FAT2: variants seen among roughly 807,000 people sequenced by gnomAD.
FAT2 encodes protocadherin Fat 2.
In FAT2, 150 loss-of-function variants were observed where a neutral mutation model predicts 295.3. The observed-to-expected ratio is 0.51, with a 90% CI of 0.44 to 0.58. The LOEUF is 0.58. Among genes scored for constraint, FAT2 ranks in the 20% least tolerant of loss-of-function variants. FAT2 has a pLI of 0.00. For synonymous variants in FAT2, 2,026 were observed against 2,150.3 expected (o/e 0.94, Z 1.60); for missense variants, 4,868 against 5,442.7 (o/e 0.89, Z 3.32).
In FAT2 at chr5:151,554,526, C is replaced by G. The variant is rs1292757847; in HGVS notation, c.3781G>C (p.Gly1261Arg). 5.0e-6 allele frequency: 8 copies of G among 1,614,068 alleles called. No homozygotes were observed. Among genetic ancestry groups the G allele is most frequent in the African/African-American group, 1.3e-5 (1 of 74,912 alleles). Residue 1261 changes from glycine to arginine, a missense_variant, in exon 5 of 24, where the codon GGG becomes CGG. Around this residue, in one of 5 missense-constraint regions of FAT2, gnomAD observed 3,297 missense variants for 3,669.4 expected, o/e 0.90. Transcript: ENST00000261800. ...LPERLSPVSP[G>R]PVYRLVASDL... The stretch of plus-strand genomic sequence containing the variant: ...GAAGCCACCAGCCTGTACACAGGCC[C>G]AGGGGACACAGGGCTCAGCCTCTCT...
rs757635979 is a variant in FAT2, at chr5:151,545,772, A to G, written c.5355T>C (p.Phe1785=). 6.2e-7 allele frequency: 1 copy of G among 1,614,128 alleles called. No individual in the cohort carries two copies. The highest frequency in any genetic ancestry group is 2.2e-5 in the East Asian group (1 of 44,876). The part of the protein sequence containing the change: ...SMIMDKNNNP[F]VIHASDSDKE... ...TGTCACTGTCAGAGGCATGAATCAC[A>G]AAGGGGTTGTTGTTTTTATCCATGA... The change falls in exon 10 of 24, where the codon TTT becomes TTC. Residue 1785 remains phenylalanine, a synonymous_variant. Transcript: ENST00000261800.
At chr5:151,584,439 A>G (rs550599027) in intron 1 of FAT2, among the ~76,000 whole-genome samples, 2 of 152,222 alleles carry the variant, frequency 1.3e-5, no homozygotes, top group East Asian at 3.9e-4. Context: ...CAAAGACCCT[A>G]TGAAGGAAGC....
Position 151,528,049 on chromosome 5 carries a change from T to C in FAT2, c.10111A>G (p.Ile3371Val). The C allele has an allele frequency of 6.2e-7, 1 of 1,614,172 alleles. No individual in the cohort carries two copies. The highest frequency in any genetic ancestry group is 8.5e-7 in the Non-Finnish European group (1 of 1,180,038). Residue 3371 changes from isoleucine to valine, a missense_variant, in exon 16 of 24, where the codon ATT becomes GTT. Physicochemically the swap from Ile to Val is conservative, Grantham distance 29 (BLOSUM62 3). Around this residue, in one of 5 missense-constraint regions of FAT2, gnomAD observed 1,046 missense variants for 1,210.1 expected, o/e 0.86. Transcript: ENST00000261800. ...TGTAGCTCCCCCTTTTTGGGGTGAA[T>C]GGTGAAGTGCCCAAGCTGGTTCCCT... is the stretch of plus-strand genomic sequence containing the variant. ...IGGNQLGHFT[I>V]HPKKGELQVA...
chr5:151,562,683 G>A (rs1032188072), intron 3 of FAT2, among the ~76,000 whole-genome samples: 22 of 152,198 alleles, frequency 1.4e-4, no homozygotes, highest in African/African-American at 5.1e-4. Flanking sequence ...CTAATTTTAT[G>A]TGTTGGCTGC....
intron 5 of FAT2, 57 bp downstream of exon 5, chr5:151,554,302 AAAG>A: frequency 1.3e-6 from 2 of 1,501,334 alleles, no homozygotes; most frequent in Non-Finnish European, 1.8e-6. Context: ...CTGAATTCTC[AAAG>A]AAGGCCACTA....
intron 1 of FAT2, among the ~76,000 whole-genome samples, chr5:151,583,767 T>C (rs1759056368): frequency 2.0e-5 from 3 of 151,754 alleles, no homozygotes; most frequent in East Asian, 3.9e-4. Context: ...GGAAGCCGAG[T>C]TGGGTGGATC....
At chr5:151,581,258 G>A (rs1326150233) in intron 1 of FAT2, among the ~76,000 whole-genome samples, 2 of 152,198 alleles carry the variant, frequency 1.3e-5, no homozygotes, top group Non-Finnish European at 2.9e-5. Context: ...CTGAGATGAA[G>A]GGCATAAAGC....
chr5:151,544,859 A>G lies in FAT2; in HGVS notation c.6268T>C (p.Phe2090Leu), dbSNP rs774234912. ...TCCTCATCAGTGGCAGATACCTGAA[A>G]GAGGACATCCCCTGGCTCTGTGCCA... ...QDGTEPGDVL[F>L]QVSATDEDLG... is the part of the protein sequence containing the mutation. The change falls in exon 10 of 24, where the codon TTT (phenylalanine) becomes CTT (leucine). Residue 2090 changes from phenylalanine to leucine, a missense_variant. Physicochemically the swap from Phe to Leu is conservative, Grantham distance 22 (BLOSUM62 0). Transcript: ENST00000261800. The G allele has an allele frequency of 4.3e-6, 7 of 1,614,214 alleles. No individual in the cohort carries two copies. In the Admixed American group the frequency reaches 1.2e-4, roughly 27 times the overall value.
intron 12 of FAT2, among the ~76,000 whole-genome samples, chr5:151,537,041 C>T (rs1173362983): frequency 1.3e-5 from 2 of 152,200 alleles, no homozygotes; most frequent in Admixed American, 1.3e-4. Flanking sequence ...GTCCACAAGT[C>T]TCACATAAAG....
intron 1 of FAT2, among the ~76,000 whole-genome samples, chr5:151,590,132 A>G (rs1432879164): frequency 6.6e-6 from 1 of 152,212 alleles, no homozygotes. Flanking sequence ...GGGCACAGGA[A>G]GCATTCAACG....
chr5:151,521,239 C>T (rs774949517), intron 19 of FAT2, 37 bp downstream of exon 19: 2 of 1,556,100 alleles, frequency 1.3e-6, no homozygotes, highest in East Asian at 4.5e-5. Flanking sequence ...CTGAGCCCAG[C>T]AGTGCTGCTC....
chr5:151,542,880 T>C lies in FAT2; in HGVS notation c.8247A>G (p.Ile2749Met). 1 of 1,614,210 alleles carries C rather than the reference T, an allele frequency of 6.2e-7. No homozygotes were observed. The highest frequency in any genetic ancestry group is 8.5e-7 in the Non-Finnish European group (1 of 1,180,044). ...CGTGGTCCATGGGCTTCCTCACCTT[T>C]ATGACCCCTGTGTCTGGGTCTAGGG... Reference protein sequence around the residue: ...VFSLDPDTGVIKVRKPMDHES... With the variant: ...VFSLDPDTGVMKVRKPMDHES... The change falls in exon 10 of 24, where the codon ATA becomes ATG. Residue 2749 changes from isoleucine to methionine, a missense_variant. Around this residue, in one of 5 missense-constraint regions of FAT2, gnomAD observed 3,297 missense variants for 3,669.4 expected, o/e 0.90. Transcript: ENST00000261800.
chr5:151,534,572 C>T lies in FAT2; in HGVS notation c.9264G>A (p.Thr3088=), dbSNP rs772946190. The T allele has an allele frequency of 1.1e-5, 18 of 1,613,974 alleles. No homozygotes were observed. Among genetic ancestry groups the T allele is most frequent in the Middle Eastern group, 3.3e-4 (2 of 6,084 alleles). Residue 3088 remains threonine (T), a synonymous_variant, in exon 13 of 24, where the codon ACG becomes ACA. Transcript: ENST00000261800. ...KDVFNLVAKA[T]DGGGRSCQAD... ...CCTGGCACGATCGGCCACCTCCATC[C>T]GTCGCCTTGGCAACAAGGTTGAACA...
intron 18 of FAT2, among the ~76,000 whole-genome samples, chr5:151,522,418 C>G (rs1406175882): frequency 6.6e-6 from 1 of 152,208 alleles, no homozygotes; most frequent in African/African-American, 2.4e-5. Context: ...CATGAAGTTT[C>G]TCATTCTGTC....
In FAT2 at chr5:151,553,455, C is replaced by T. The variant is rs759441561; in HGVS notation, c.3946-68G>A. 5 of 1,413,704 alleles carry T rather than the reference C, an allele frequency of 3.5e-6. No homozygotes were observed. The Admixed American group carries it at 7.5e-5, about 21-fold the overall frequency. The allele number at this position is 1,413,704 out of a possible 1,614,324, so 87.6% of individuals were successfully genotyped here. On this transcript the variant is annotated intron_variant, in intron 5 of 23. Coordinates refer to ENST00000261800, the MANE Select transcript of FAT2 (RefSeq NM_001447.3). ...GACAGGAAGACCCAAGCAGCCAGGA[C>T]AGGAACCAGAGCGTCCTGTGATTCT...
intron 9 of FAT2, among the ~76,000 whole-genome samples, chr5:151,548,908 C>T (rs533854286): frequency 7.2e-5 from 11 of 152,268 alleles, no homozygotes; most frequent in African/African-American, 2.6e-4. Flanking sequence ...ACTGTGGAGC[C>T]TTATCAGAAA....
chr5:151,543,035 A>G lies in FAT2; in HGVS notation c.8092T>C (p.Phe2698Leu). 1 of 1,614,186 alleles carries G rather than the reference A, an allele frequency of 6.2e-7. No individual in the cohort carries two copies. Among genetic ancestry groups the G allele is most frequent in the Non-Finnish European group, 8.5e-7 (1 of 1,180,028 alleles). ...TCTGGAAGGTCTTCAGGTGCAGAGA[A>G]AGTATACAAAGGTTCAGAAAATTTC... ...LPKFSEPLYTFSAPEDLPEGS... is the reference protein window; with the variant it reads ...LPKFSEPLYTLSAPEDLPEGS... The change falls in exon 10 of 24, where the codon TTC becomes CTC. Residue 2698 changes from phenylalanine (F) to leucine (L), a missense_variant. Physicochemically the swap from Phe to Leu is conservative, Grantham distance 22. This residue lies in a region of FAT2 where 3,297 missense variants were observed against 3,669.4 expected (regional missense o/e 0.90). Transcript: ENST00000261800.
rs1581450817 is a variant in FAT2 at position 151,566,743 on chromosome 5, A to G, written c.2189T>C (p.Ile730Thr). ...QSIDVLESVP[I>T]NTPLARLAAT... The stretch of plus-strand genomic sequence containing the variant: ...TGCTAGGCGGGCCAAGGGGGTGTTG[A>G]TAGGGACACTCTCAAGGACATCAAT... The change falls in exon 2 of 24, where the codon ATC (isoleucine) becomes ACC (threonine). Residue 730 changes from isoleucine to threonine, a missense_variant. Physicochemically the swap from Ile to Thr is moderately conservative, Grantham distance 89. Coordinates refer to ENST00000261800, the MANE Select transcript of FAT2 (RefSeq NM_001447.3). 1.2e-6 allele frequency: 2 copies of G among 1,614,164 alleles called. No homozygotes were observed. Among genetic ancestry groups the G allele is most frequent in the Non-Finnish European group, 8.5e-7 (1 of 1,180,022 alleles).
rs1333682651 is a variant in FAT2, at chr5:151,545,210, A to G, written c.5917T>C (p.Tyr1973His). 1 of 1,614,110 alleles carries G rather than the reference A, an allele frequency of 6.2e-7. No individual in the cohort carries two copies. Among genetic ancestry groups the G allele is most frequent in the African/African-American group, 1.3e-5 (1 of 74,940 alleles). The stretch of plus-strand genomic sequence containing the variant: ...AAGTTCTCCTTCACAGCTGCCCAGT[A>G]GACATCCTGATCAAACTGCAAGCTT... ...DKSLQFDQDV[Y>H]WAAVKENLQD... Residue 1973 changes from tyrosine to histidine, a missense_variant, in exon 10 of 24, where the codon TAC becomes CAC. Around this residue, in one of 5 missense-constraint regions of FAT2, gnomAD observed 3,297 missense variants for 3,669.4 expected, o/e 0.90. Transcript: ENST00000261800.
Sources: gnomAD v4.1 joint callset for allele counts (sites outside exome capture counted in the v4.1 genomes callset) on GRCh38, gnomAD v4.1.1 for gene constraint, gnomAD v4.1.1 regional missense constraint, MANE v1.5 for transcripts, NCBI Gene and HGNC (gene_info 2026-07-23, HGNC 2026-07-21) for gene names.